The following SLC39A8 variants were observed in gnomAD, a reference collection of about 807,000 sequenced individuals.
SLC39A8 encodes solute carrier family 39 member 8.
Under a neutral mutation model 40.4 loss-of-function variants are expected in SLC39A8, and 15 were observed. The ratio of observed to expected loss-of-function variants is 0.37; its 90% confidence interval spans 0.25 to 0.57. The LOEUF (loss-of-function observed/expected upper bound fraction) is 0.57. Among genes scored for constraint, SLC39A8 ranks in the 20% least tolerant of loss-of-function variants. The pLI is 0.75. For synonymous variants in SLC39A8, 223 were observed against 221.6 expected, an observed-to-expected ratio of 1.01 and a Z score of -0.06; for missense variants, 472 against 558.8, an observed-to-expected ratio of 0.84 and a Z score of 1.57.
chr4:102,315,699 G>C lies in SLC39A8; in HGVS notation c.351C>G (p.Pro117=). ...AATGACTTGGTCTTGTTTTGTGCTT[G>C]GGCCGATCCTCACATGGGTGAAAGT... ...QLNFHPCEDR[P]KHKTRPSHSE... is the part of the protein sequence containing the mutation. Residue 117 remains proline, a synonymous_variant, in exon 3 of 9, where the codon CCC becomes CCG. Coordinates refer to ENST00000356736, the MANE Select transcript of SLC39A8 (RefSeq NM_001135146.2). 1 of 1,612,550 alleles carries C rather than the reference G, an allele frequency of 6.2e-7. No individual in the cohort carries two copies. Among genetic ancestry groups the C allele is most frequent in the Non-Finnish European group, 8.5e-7 (1 of 1,179,174 alleles).
chr4:102,299,520 T>C (rs1295688229), intron 6 of SLC39A8, among the ~76,000 whole-genome samples: 1 of 152,012 alleles, frequency 6.6e-6, no homozygotes, highest in Non-Finnish European at 1.5e-5. Flanking sequence ...GGAAAAATAC[T>C]TGTTGAATGA....
chr4:102,343,225 A>T (rs1736018742), intron 2 of SLC39A8, among the ~76,000 whole-genome samples: 1 of 152,184 alleles, frequency 6.6e-6, no homozygotes, highest in African/African-American at 2.4e-5. Flanking sequence ...GGCATCAGAA[A>T]GTTCTACTTT....
At chr4:102,289,680 A>C (rs984246552) in intron 6 of SLC39A8, among the ~76,000 whole-genome samples, 1 of 152,172 alleles carries the variant, frequency 6.6e-6, no homozygotes, top group African/African-American at 2.4e-5. Flanking sequence ...GAGGTGTTCA[A>C]GAATCCAGTA....
At chr4:102,293,325 G>T (rs776701771) in intron 6 of SLC39A8, among the ~76,000 whole-genome samples, 1 of 151,940 alleles carries the variant, frequency 6.6e-6, no homozygotes, top group South Asian at 2.1e-4. Flanking sequence ...TCCTATTAAA[G>T]TTGGAAACAA....
intron 4 of SLC39A8, 134 bp from the exon 5 acceptor site, chr4:102,305,245 G>A: frequency 1.1e-6 from 1 of 943,674 alleles, no homozygotes; most frequent in Non-Finnish European, 1.5e-6. Context: ...AAACTTAGCT[G>A]CCAAAAATCA....
chr4:102,270,906 G>C (rs898554528), intron 6 of SLC39A8, among the ~76,000 whole-genome samples: 2 of 152,052 alleles, frequency 1.3e-5, no homozygotes, highest in African/African-American at 4.8e-5. Flanking sequence ...AAAGTACTTA[G>C]AAATTAAAAT....
Position 102,262,507 on chromosome 4 carries a change from A to G in SLC39A8, c.*537T>C. On this transcript the variant is annotated 3_prime_UTR_variant, in exon 9 of 9. Coordinates refer to ENST00000356736, the MANE Select transcript of SLC39A8 (RefSeq NM_001135146.2). The stretch of plus-strand genomic sequence containing the variant: ...CTAATTGAAATACAAAACAGAACAA[A>G]AAGCTGTGAGAAATCTTTTTTTTCT... The G allele has an allele frequency of 2.0e-6, 2 of 985,342 alleles. No individual in the cohort carries two copies. Among genetic ancestry groups the G allele is most frequent in the Non-Finnish European group, 2.4e-6 (2 of 829,724 alleles). The allele number at this position is 985,342 out of a possible 1,614,324, so 61.0% of individuals were successfully genotyped here. A position where few individuals can be genotyped will look rare whatever the true frequency, so the allele number is the denominator to read the frequency against.
intron 2 of SLC39A8, among the ~76,000 whole-genome samples, chr4:102,337,194 C>T (rs1453589069): frequency 6.6e-6 from 1 of 150,798 alleles, no homozygotes; most frequent in African/African-American, 2.4e-5. Flanking sequence ...TATTTTTCTC[C>T]CCCAATCCCT....
intron 2 of SLC39A8, among the ~76,000 whole-genome samples, chr4:102,320,367 TATATATATATGAGA>T (rs1734885657): frequency 1.9e-5 from 2 of 106,180 alleles, no homozygotes; most frequent in East Asian, 2.4e-4. Context: ...TATATATGAG[TATATATATATGAGA>T]ATATATATAT....
intron 2 of SLC39A8, among the ~76,000 whole-genome samples, chr4:102,334,510 C>G (rs1162268217): frequency 6.6e-6 from 1 of 152,142 alleles, no homozygotes; most frequent in Non-Finnish European, 1.5e-5. Flanking sequence ...ATTGCAAGTA[C>G]AACTTTAACA....
At chr4:102,290,052 T>C (rs1368585893) in intron 6 of SLC39A8, among the ~76,000 whole-genome samples, 2 of 152,160 alleles carry the variant, frequency 1.3e-5, no homozygotes, top group Non-Finnish European at 2.9e-5. Context: ...AAGCAATCGA[T>C]GTTGCAAACT....
intron 11 of SLC39A8, among the ~76,000 whole-genome samples, chr4:102,256,391 A>G (rs1011252822): frequency 2.6e-5 from 4 of 152,332 alleles, no homozygotes; most frequent in African/African-American, 9.6e-5. Flanking sequence ...TTCCCTATCT[A>G]GAAATCTATG....
chr4:102,326,724 AC>A (rs1735217871), intron 2 of SLC39A8, among the ~76,000 whole-genome samples: 1 of 152,196 alleles, frequency 6.6e-6, no homozygotes, highest in Non-Finnish European at 1.5e-5. Flanking sequence ...TTTTAAGAGT[AC>A]AAGGGGGTCC....
intron 4 of SLC39A8, among the ~76,000 whole-genome samples, chr4:102,306,329 G>GA (rs1734170951): frequency 6.6e-6 from 1 of 151,580 alleles, no homozygotes; most frequent in Non-Finnish European, 1.5e-5. Context: ...TTTTAAATCA[G>GA]AAAATCTGTA....
rs114458468 is a variant in SLC39A8 at position 102,334,078 on chromosome 4, G to A, written c.219+10366C>T. Among the ~76,000 whole-genome samples, 247 of 152,216 alleles carry A rather than the reference G, an allele frequency of 1.6e-3. 1 individual carries two copies. Among genetic ancestry groups the A allele is most frequent in the African/African-American group, 5.9e-3 (244 of 41,520 alleles). On this transcript the variant is annotated intron_variant, in intron 2 of 8. Coordinates refer to ENST00000356736, the MANE Select transcript of SLC39A8 (RefSeq NM_001135146.2). ...GGTATAAATTTCAGGGAAGTGGTGG[G>A]GACAGAAAAAAGCCAGAACCAATGG...
chr4:102,333,142 T>C (rs900528840), intron 2 of SLC39A8, among the ~76,000 whole-genome samples: 1 of 152,150 alleles, frequency 6.6e-6, no homozygotes, highest in Admixed American at 6.6e-5. Flanking sequence ...TCTGCACATG[T>C]ATCCCAGAAC....
At chr4:102,257,157 CTT>C (rs1210784133), downstream of SLC39A8, among the ~76,000 whole-genome samples, 3 of 143,668 alleles carry the variant, frequency 2.1e-5, no homozygotes, top group Admixed American at 7.0e-5. Flanking sequence ...TTTTCTATGT[CTT>C]TTTTTTTTTT....
At chr4:102,332,404 A>G (rs555442353) in intron 2 of SLC39A8, among the ~76,000 whole-genome samples, 2 of 152,350 alleles carry the variant, frequency 1.3e-5, no homozygotes, top group Admixed American at 1.3e-4. Context: ...CAAGAAACAT[A>G]TGAAAAAAAG....
intron 2 of SLC39A8, among the ~76,000 whole-genome samples, chr4:102,320,546 GTA>G (rs1442468713): frequency 7.5e-4 from 19 of 25,432 alleles, no homozygotes; most frequent in African/African-American, 1.3e-3. Flanking sequence ...ATATATGAGA[GTA>G]TATATATATG....
Sources: allele counts gnomAD v4.1 joint callset (sites outside exome capture counted in the v4.1 genomes callset), GRCh38; gene constraint gnomAD v4.1.1; transcripts MANE v1.5; gene names NCBI Gene and HGNC (gene_info 2026-07-23, HGNC 2026-07-21).